The following PRRX2 variants were observed in gnomAD, a reference collection of about 807,000 sequenced individuals.
PRRX2 encodes paired mesoderm homeobox protein 2.
A neutral mutation model predicts 18.0 loss-of-function variants in PRRX2; 11 were observed. The observed-to-expected ratio is 0.61, with a 90% CI of 0.39 to 1.01. The LOEUF is 1.01. Among genes scored for constraint, PRRX2 ranks in the 50% least tolerant of loss-of-function variants. The probability of loss-of-function intolerance (pLI) is 0.01; values close to 1 mark genes in which losing one functional copy is unlikely to be tolerated. For synonymous variants in PRRX2, 177 were observed against 154.8 expected (o/e 1.14, Z -1.06); for missense variants, 387 against 351.0 (o/e 1.10, Z -0.82).
intron 1 of PRRX2, among the ~76,000 whole-genome samples, chr9:129,668,313 A>G (rs1832053481): frequency 6.6e-6 from 1 of 152,138 alleles, no homozygotes; most frequent in South Asian, 2.1e-4. Context: ...TGGGCAGCCA[A>G]ACCTTGCTGG....
chr9:129,687,914 A>T (rs1832315345), intron 1 of PRRX2, among the ~76,000 whole-genome samples: 1 of 152,166 alleles, frequency 6.6e-6, no homozygotes, highest in South Asian at 2.1e-4. Flanking sequence ...GGCTTTCTGG[A>T]GGTAGCGGGG....
intron 1 of PRRX2, among the ~76,000 whole-genome samples, chr9:129,701,790 G>C (rs1374473748): frequency 6.6e-6 from 1 of 152,208 alleles, no homozygotes; most frequent in Non-Finnish European, 1.5e-5. Context: ...GGATTTGTAG[G>C]AGATTTTTTT....
chr9:129,668,189 C>G (rs540769241), intron 1 of PRRX2, among the ~76,000 whole-genome samples: 2 of 152,226 alleles, frequency 1.3e-5, no homozygotes, highest in African/African-American at 4.8e-5. Flanking sequence ...TCCAACTCAT[C>G]CATCTGGGTC....
intron 1 of PRRX2, among the ~76,000 whole-genome samples, chr9:129,681,365 C>T (rs1228085399): frequency 6.6e-6 from 1 of 152,064 alleles, no homozygotes; most frequent in Non-Finnish European, 1.5e-5. Flanking sequence ...ATTAAAAATA[C>T]AAAAATTAGC....
chr9:129,700,205 G>A (rs1254832156), intron 1 of PRRX2, among the ~76,000 whole-genome samples: 2 of 152,206 alleles, frequency 1.3e-5, no homozygotes, highest in African/African-American at 4.8e-5. Context: ...TGGGATAACT[G>A]AAGCACAGAG....
intron 1 of PRRX2, among the ~76,000 whole-genome samples, chr9:129,717,695 C>CAAA (rs568330077): frequency 3.6e-5 from 3 of 82,506 alleles, no homozygotes; most frequent in Non-Finnish European, 2.6e-5. Context: ...GACTCCGCCT[C>CAAA]AAAAAAAAAA....
At chr9:129,680,400 C>CAAAA (rs1207606607) in intron 1 of PRRX2, among the ~76,000 whole-genome samples, 11 of 85,554 alleles carry the variant, frequency 1.3e-4, no homozygotes, top group South Asian at 4.1e-4. Flanking sequence ...GACTCCGTCT[C>CAAAA]AAAAAAAAAA....
At chr9:129,706,707 G>A (rs551720188) in intron 1 of PRRX2, among the ~76,000 whole-genome samples, 1 of 152,152 alleles carries the variant, frequency 6.6e-6, no homozygotes, top group East Asian at 1.9e-4. Flanking sequence ...TAGCCTGAGT[G>A]CAGAGGAAGA....
intron 1 of PRRX2, among the ~76,000 whole-genome samples, chr9:129,703,546 T>C (rs1362432790): frequency 6.6e-6 from 1 of 152,202 alleles, no homozygotes; most frequent in Non-Finnish European, 1.5e-5. Context: ...TTTGGTACTT[T>C]ACCTCTCTGA....
chr9:129,707,508 G>A (rs1588172746), intron 1 of PRRX2, among the ~76,000 whole-genome samples: 4 of 151,898 alleles, frequency 2.6e-5, no homozygotes, highest in Admixed American at 2.0e-4. Flanking sequence ...TGCTATGGCC[G>A]GGCGCGGTGG....
chr9:129,667,640 T>A (rs1832042284), intron 1 of PRRX2, among the ~76,000 whole-genome samples: 1 of 151,828 alleles, frequency 6.6e-6, no homozygotes, highest in African/African-American at 2.4e-5. Context: ...GGCCAGGGTG[T>A]CTCGTACTCC....
At chr9:129,712,661 TCC>T (rs1156602899) in intron 1 of PRRX2, among the ~76,000 whole-genome samples, 1 of 152,098 alleles carries the variant, frequency 6.6e-6, no homozygotes, top group Non-Finnish European at 1.5e-5. Context: ...GAGACAGGCC[TCC>T]CCCATCTGAG....
intron 1 of PRRX2, among the ~76,000 whole-genome samples, chr9:129,706,051 C>T (rs1200971784): frequency 6.6e-6 from 1 of 152,190 alleles, no homozygotes; most frequent in African/African-American, 2.4e-5. Context: ...CCATTCTCTC[C>T]AATCTCAATG....
intron 1 of PRRX2, among the ~76,000 whole-genome samples, chr9:129,679,992 C>G (rs1227804269): frequency 6.6e-6 from 1 of 152,150 alleles, no homozygotes; most frequent in African/African-American, 2.4e-5. Context: ...AAATTCCTCA[C>G]CTGCAAAATG....
chr9:129,720,546 C>T, intron 2 of PRRX2, 50 bp from the exon 3 acceptor site: 1 of 1,517,722 alleles, frequency 6.6e-7, no homozygotes, highest in Non-Finnish European at 8.9e-7. Context: ...TCCAGAAGGA[C>T]TTGGGTCCCC....
chr9:129,667,510 C>T (rs1405550734), intron 1 of PRRX2, among the ~76,000 whole-genome samples: 1 of 150,992 alleles, frequency 6.6e-6, no homozygotes, highest in African/African-American at 2.4e-5. Context: ...GAAGGAGGAA[C>T]AACTTGAAGG....
rs746715077 is a variant in PRRX2, at chr9:129,722,278, A to G, written c.688A>G (p.Asn230Asp). 6.2e-7 allele frequency: 1 copy of G among 1,614,010 alleles called. No homozygotes were observed. ...CGCAACCCCAGGGGTCAACATGGCC[A>G]ACAGCATCGCCAGCCTCCGTCTCAA... ...GPATPGVNMA[N>D]SIASLRLKAK... is the part of the protein sequence containing the mutation. Residue 230 changes from asparagine (N) to aspartate (D), a missense_variant, in exon 4 of 4, where the codon AAC becomes GAC. By Grantham distance (23) the Asn-to-Asp change is conservative. Transcript: ENST00000372469.
At chr9:129,688,317 G>C (rs1284981902) in intron 1 of PRRX2, among the ~76,000 whole-genome samples, 1 of 152,136 alleles carries the variant, frequency 6.6e-6, no homozygotes, top group Non-Finnish European at 1.5e-5. Context: ...TCCCACCTCA[G>C]CCTCCTAAAA....
chr9:129,694,711 T>A (rs117536156), intron 1 of PRRX2, among the ~76,000 whole-genome samples: 1 of 152,176 alleles, frequency 6.6e-6, no homozygotes, highest in Non-Finnish European at 1.5e-5. Context: ...TTCTTCCTCT[T>A]GTTAATACTT....
Sources: gnomAD v4.1 joint callset for allele counts (sites outside exome capture counted in the v4.1 genomes callset) on GRCh38, gnomAD v4.1.1 for gene constraint, MANE v1.5 for transcripts, NCBI Gene and HGNC (gene_info 2026-07-23, HGNC 2026-07-21) for gene names.